The following SHISA9 variants were observed in gnomAD, a reference collection of about 807,000 sequenced individuals.
SHISA9 encodes protein shisa-9.
In SHISA9, 13 loss-of-function variants were observed where a neutral mutation model predicts 38.0. The observed-to-expected ratio is 0.34, with a 90% confidence interval of 0.22 to 0.54. The LOEUF (loss-of-function observed/expected upper bound fraction) is 0.54, where lower values mean the gene tolerates loss of function less well. SHISA9 is among the 20% of genes least tolerant of loss of function. The probability of loss-of-function intolerance (pLI) is 0.91; values close to 1 mark genes in which losing one functional copy is unlikely to be tolerated. For synonymous variants in SHISA9, 275 were observed against 242.0 expected, an observed-to-expected ratio of 1.14 and a Z score of -1.27; for missense variants, 538 against 575.8, an observed-to-expected ratio of 0.93 and a Z score of 0.67.
the SHISA9 span, among the ~76,000 whole-genome samples, chr16:13,371,785 A>G: frequency 6.6e-6 from 1 of 152,204 alleles, no homozygotes; most frequent in African/African-American, 2.4e-5. Flanking sequence ...ATCTAGACAC[A>G]TGCCTGGAAG....
the SHISA9 span, chr16:13,562,629 GA>G: frequency 0.18 from 16,060 of 89,610 alleles, 931 homozygotes; most frequent in African/African-American, 0.25. Flanking sequence ...GACTCTGTCT[GA>G]AAAAAAAAAA....
At chr16:12,902,902 C>T (rs1355192038) in intron 1 of SHISA9, 1 of 382,480 alleles carries the variant, frequency 2.6e-6, no homozygotes, top group East Asian at 4.7e-5. Flanking sequence ...CGCCTCCTCC[C>T]GCTGGTGACT....
intron 2 of SHISA9, among the ~76,000 whole-genome samples, chr16:13,019,052 T>G (rs1246706815): frequency 6.6e-6 from 1 of 152,200 alleles, no homozygotes; most frequent in Non-Finnish European, 1.5e-5. Context: ...CAGGCTGTAG[T>G]GCCGTGGCAC....
chr16:13,055,619 C>G (rs2073301607), intron 2 of SHISA9, among the ~76,000 whole-genome samples: 2 of 152,120 alleles, frequency 1.3e-5, no homozygotes, highest in Admixed American at 1.3e-4. Flanking sequence ...AGCCAGCATC[C>G]CACTCTGAAT....
chr16:12,954,856 C>G (rs1366394132), intron 2 of SHISA9, among the ~76,000 whole-genome samples: 1 of 152,110 alleles, frequency 6.6e-6, no homozygotes, highest in East Asian at 1.9e-4. Context: ...TATTATCACT[C>G]ATCTTTCTAT....
chr16:13,401,205 ATTTTTGTG>A, the SHISA9 span, among the ~76,000 whole-genome samples: 1 of 152,102 alleles, frequency 6.6e-6, no homozygotes, highest in Non-Finnish European at 1.5e-5. Context: ...CACTTCTTTG[ATTTTTGTG>A]ACAACCTTTT....
chr16:13,400,399 A>G, the SHISA9 span, among the ~76,000 whole-genome samples: 2,109 of 152,210 alleles, frequency 0.014, 49 homozygotes, highest in African/African-American at 0.049. Context: ...TCCTAGAACT[A>G]CTTAGCAAGT....
the SHISA9 span, among the ~76,000 whole-genome samples, chr16:13,447,758 A>G: frequency 6.6e-6 from 1 of 152,236 alleles, no homozygotes; most frequent in African/African-American, 2.4e-5. Context: ...CATACACACA[A>G]AAAACTCTTT....
rs905792495 is a variant in SHISA9, at chr16:13,087,040, A to G, written c.692-116354A>G. On this transcript the variant is annotated intron_variant, in intron 2 of 4. Transcript: ENST00000558583. ...CAAGTGATCTCATTGTTCAATTCCC[A>G]CCTATGAGTGAGAACATGCGGTGTT... Among the ~76,000 whole-genome samples the G allele has an allele frequency of 2.4e-5, 3 of 124,984 alleles. No homozygotes were observed. The Admixed American group carries it at 3.2e-4, about 13-fold the overall frequency. 82.0% of individuals were successfully genotyped at this position (124,984 alleles called of 152,430 possible).
At chr16:13,473,997 A>C in the SHISA9 span, among the ~76,000 whole-genome samples, 1 of 152,204 alleles carries the variant, frequency 6.6e-6, no homozygotes, top group Non-Finnish European at 1.5e-5. Flanking sequence ...GATGCTGTGC[A>C]ATGTGCAGTA....
intron 4 of SHISA9, among the ~76,000 whole-genome samples, chr16:13,216,205 A>G (rs1297298703): frequency 2.4e-4 from 12 of 50,702 alleles, no homozygotes; most frequent in South Asian, 7.3e-4. Flanking sequence ...AAAAAAAAAA[A>G]AGAGAGAGAC....
the SHISA9 span, among the ~76,000 whole-genome samples, chr16:13,313,034 T>C: frequency 2.0e-5 from 3 of 151,482 alleles, no homozygotes; most frequent in Non-Finnish European, 4.4e-5. Flanking sequence ...GGCGGGCGGA[T>C]CACGAGGTCA....
chr16:13,145,119 G>T (rs1291130231), intron 2 of SHISA9, among the ~76,000 whole-genome samples: 1 of 152,152 alleles, frequency 6.6e-6, no homozygotes, highest in Non-Finnish European at 1.5e-5. Flanking sequence ...CTATCGCAGG[G>T]ATGAGAGATA....
chr16:13,332,423 A>G, the SHISA9 span: 1 of 152,354 alleles, frequency 6.6e-6, no homozygotes, highest in East Asian at 1.9e-4. Context: ...AAGGGCAGGG[A>G]AGAGACCACA....
chr16:13,330,161 C>A, the SHISA9 span, among the ~76,000 whole-genome samples: 1 of 152,208 alleles, frequency 6.6e-6, no homozygotes, highest in African/African-American at 2.4e-5. Flanking sequence ...AGATAGGCAG[C>A]AAGTTCATCG....
chr16:13,360,347 A>T, the SHISA9 span, among the ~76,000 whole-genome samples: 1 of 152,062 alleles, frequency 6.6e-6, no homozygotes, highest in Admixed American at 6.5e-5. Context: ...TGGCTATGTC[A>T]CCACCCAAAT....
chr16:13,375,831 T>A, the SHISA9 span, among the ~76,000 whole-genome samples: 2 of 152,268 alleles, frequency 1.3e-5, 1 homozygote, highest in South Asian at 4.1e-4. Context: ...ATTGCTAAAA[T>A]GGCAACACTC....
At chr16:12,908,034 G>T (rs2071126302) in intron 1 of SHISA9, among the ~76,000 whole-genome samples, 1 of 152,304 alleles carries the variant, frequency 6.6e-6, no homozygotes, top group African/African-American at 2.4e-5. Context: ...GTGACCTTGG[G>T]AAGGTTGCTT....
At chr16:12,965,402 T>G (rs1264341548) in intron 2 of SHISA9, among the ~76,000 whole-genome samples, 1 of 152,214 alleles carries the variant, frequency 6.6e-6, no homozygotes, top group Non-Finnish European at 1.5e-5. Context: ...CAGTCATTCC[T>G]CCTTACTCCT....
Sources: allele counts gnomAD v4.1 joint callset (sites outside exome capture counted in the v4.1 genomes callset), GRCh38; gene constraint gnomAD v4.1.1; transcripts MANE v1.5; gene names NCBI Gene and HGNC (gene_info 2026-07-23, HGNC 2026-07-21).